LARGE1: variants seen among roughly 807,000 people sequenced by gnomAD.
LARGE1 encodes LARGE xylosyl- and glucuronyltransferase 1, also known as xylosyl- and glucuronyltransferase LARGE1.
LARGE1 carries 43 observed loss-of-function variants against 87.6 expected under a neutral mutation model. The observed-to-expected ratio is 0.49, with a 90% CI of 0.38 to 0.63. The LOEUF (loss-of-function observed/expected upper bound fraction) is 0.63. Ranked by LOEUF, LARGE1 falls within the 30% of genes least tolerant of loss-of-function variation. The pLI is 0.00. For missense variants in LARGE1, 802 were observed against 1,000.2 expected (o/e 0.80, Z 2.67); for synonymous variants, 434 against 394.6 (o/e 1.10, Z -1.18).
At chr22:33,824,917 C>T (rs1312218796) in intron 1 of LARGE1, among the ~76,000 whole-genome samples, 1 of 152,152 alleles carries the variant, frequency 6.6e-6, no homozygotes, top group African/African-American at 2.4e-5. Context: ...GAAGAAGGGA[C>T]AGACACAGGT....
chr22:33,136,504 AT>A, the LARGE1 span, among the ~76,000 whole-genome samples: 1 of 152,166 alleles, frequency 6.6e-6, no homozygotes, highest in South Asian at 2.1e-4. Context: ...GGGAGCTACA[AT>A]TCAAGATGAG....
intron 1 of LARGE1, among the ~76,000 whole-genome samples, chr22:33,847,847 A>G (rs1024931983): frequency 6.6e-6 from 1 of 152,172 alleles, no homozygotes; most frequent in Admixed American, 6.5e-5. Flanking sequence ...TACTGCCTTA[A>G]CTCGCTCATT....
intron 2 of LARGE1, among the ~76,000 whole-genome samples, chr22:33,735,599 GT>G (rs2083628193): frequency 6.6e-6 from 1 of 152,172 alleles, no homozygotes; most frequent in South Asian, 2.1e-4. Context: ...TCCTGGTCCT[GT>G]TTTGCCTTCA....
At chr22:33,493,671 G>A (rs1251104424) in intron 6 of LARGE1, among the ~76,000 whole-genome samples, 2 of 152,188 alleles carry the variant, frequency 1.3e-5, no homozygotes, top group Admixed American at 6.5e-5. Flanking sequence ...TTTTGCAGAT[G>A]AGGAAACTGC....
At chr22:33,673,766 C>T (rs777143527) in intron 2 of LARGE1, among the ~76,000 whole-genome samples, 4 of 152,144 alleles carry the variant, frequency 2.6e-5, no homozygotes, top group Non-Finnish European at 4.4e-5. Context: ...GGCGCAATCT[C>T]GGCTCACTGC....
At chr22:33,411,984 T>C (rs894264172) in intron 7 of LARGE1, among the ~76,000 whole-genome samples, 1 of 152,152 alleles carries the variant, frequency 6.6e-6, no homozygotes, top group African/African-American at 2.4e-5. Context: ...TCAGGGAATG[T>C]GAAAAATATA....
intron 2 of LARGE1, among the ~76,000 whole-genome samples, chr22:33,735,737 GCTAT>G (rs1393903831): frequency 6.6e-6 from 1 of 152,094 alleles, no homozygotes; most frequent in Non-Finnish European, 1.5e-5. Flanking sequence ...AGCCATCACC[GCTAT>G]CTAATTCCGT....
chr22:33,804,530 C>T (rs2086253431), intron 1 of LARGE1, among the ~76,000 whole-genome samples: 1 of 152,196 alleles, frequency 6.6e-6, no homozygotes, highest in Non-Finnish European at 1.5e-5. Flanking sequence ...AGTTCAGCTC[C>T]CTGCTGCTCA....
At chr22:33,570,858 G>A (rs1024153718) in intron 5 of LARGE1, among the ~76,000 whole-genome samples, 4 of 151,898 alleles carry the variant, frequency 2.6e-5, no homozygotes, top group African/African-American at 9.7e-5. Context: ...ACACACTTCA[G>A]TCCAACCAGG....
At chr22:33,465,620 T>C (rs1431611178) in intron 6 of LARGE1, among the ~76,000 whole-genome samples, 1 of 152,162 alleles carries the variant, frequency 6.6e-6, no homozygotes, top group African/African-American at 2.4e-5. Context: ...CCATAAGGCG[T>C]TCTTTAAGTG....
At chr22:33,085,308 C>T in the LARGE1 span, among the ~76,000 whole-genome samples, 1 of 152,186 alleles carries the variant, frequency 6.6e-6, no homozygotes, top group Non-Finnish European at 1.5e-5. Flanking sequence ...AGTAGAATCA[C>T]ATGCTCAAGC....
At chr22:33,471,135 C>A (rs2068823976) in intron 6 of LARGE1, among the ~76,000 whole-genome samples, 2 of 149,838 alleles carry the variant, frequency 1.3e-5, no homozygotes, top group South Asian at 2.1e-4. Flanking sequence ...TCAAGCAATT[C>A]TCATGCCTCA....
intron 6 of LARGE1, among the ~76,000 whole-genome samples, chr22:33,460,911 G>A (rs2068355582): frequency 6.6e-6 from 1 of 152,092 alleles, no homozygotes; most frequent in Non-Finnish European, 1.5e-5. Context: ...AGGGAGTTTG[G>A]GGGCCAGAAT....
chr22:33,776,796 A>C (rs2267284), intron 1 of LARGE1, among the ~76,000 whole-genome samples: 11,068 of 152,278 alleles, frequency 0.073, 520 homozygotes, highest in Admixed American at 0.11. Context: ...GGGAGATTTC[A>C]TACAAATATC....
At chr22:33,854,235 A>G (rs2063693704) in intron 1 of LARGE1, among the ~76,000 whole-genome samples, 1 of 151,158 alleles carries the variant, frequency 6.6e-6, no homozygotes, top group South Asian at 2.1e-4. Flanking sequence ...AAAAAAAAAA[A>G]AAAGAAAGGA....
intron 6 of LARGE1, among the ~76,000 whole-genome samples, chr22:33,541,054 CG>C (rs57583473): frequency 0.22 from 3,023 of 13,634 alleles, 371 homozygotes; most frequent in Non-Finnish European, 0.38. Context: ...TGGTGGGTTG[CG>C]GGGGGGGGGG....
At chr22:33,260,136 C>T (rs868465646) in intron 11 of LARGE1, among the ~76,000 whole-genome samples, 1 of 152,300 alleles carries the variant, frequency 6.6e-6, no homozygotes, top group Admixed American at 6.5e-5. Flanking sequence ...TCCTACCTCA[C>T]CTGCTCCTTC....
intron 11 of LARGE1, among the ~76,000 whole-genome samples, chr22:33,169,382 G>C (rs776980500): frequency 1.9e-4 from 29 of 152,236 alleles, no homozygotes; most frequent in Admixed American, 1.5e-3. Flanking sequence ...GTTGCAACTA[G>C]AGTCAAGTCC....
At chr22:33,311,548 G>A (rs1935591164) in intron 11 of LARGE1, among the ~76,000 whole-genome samples, 1 of 152,114 alleles carries the variant, frequency 6.6e-6, no homozygotes. Flanking sequence ...TTATTTTGTA[G>A]AACCCAGACA....
Sources: allele counts gnomAD v4.1 joint callset (sites outside exome capture counted in the v4.1 genomes callset), GRCh38; gene constraint gnomAD v4.1.1; transcripts MANE v1.5; gene names NCBI Gene and HGNC (gene_info 2026-07-23, HGNC 2026-07-21).